Variants in DDX60 observed in about 807,000 individuals in gnomAD.
DDX60 encodes the protein DExD/H-box helicase 60, also known as probable ATP-dependent RNA helicase DDX60.
In DDX60, 165 loss-of-function variants were observed where a neutral mutation model predicts 212.8. The observed-to-expected ratio is 0.78, with a 90% CI of 0.68 to 0.88. The LOEUF (loss-of-function observed/expected upper bound fraction) is 0.88. Among genes scored for constraint, DDX60 ranks in the 40% least tolerant of loss-of-function variants. DDX60 has a pLI of 0.00. For synonymous variants in DDX60, 703 were observed against 685.3 expected, an observed-to-expected ratio of 1.03 and a Z score of -0.40; for missense variants, 1,905 against 2,003.9, an observed-to-expected ratio of 0.95 and a Z score of 0.94.
chr4:168,272,593 A>C (rs1351067088), intron 18 of DDX60, among the ~76,000 whole-genome samples: 1 of 152,336 alleles, frequency 6.6e-6, no homozygotes, highest in East Asian at 1.9e-4. Flanking sequence ...GCAGTTCTGG[A>C]GTAAGGACTG....
In DDX60 at chr4:168,221,761, C is replaced by G; in HGVS notation, c.4945G>C (p.Gly1649Arg). Residue 1649 changes from glycine to arginine, a missense_variant, in exon 36 of 38, where the codon GGT (glycine) becomes CGT (arginine). Transcript: ENST00000393743. ...NAYALDFYKH[G>R]SLIGLVQDNR... Reference sequence around the variant, plus strand: ...TCCTGGACTAATCCTATCAAGGAACCATGTTTGTAGAAATCCAGTGCATAG... The same window carrying G: ...TCCTGGACTAATCCTATCAAGGAACGATGTTTGTAGAAATCCAGTGCATAG... 6.2e-7 allele frequency: 1 copy of G among 1,612,512 alleles called. No homozygotes were observed. Among genetic ancestry groups the G allele is most frequent in the Non-Finnish European group, 8.5e-7 (1 of 1,179,048 alleles).
chr4:168,296,841 C>T (rs1406685531), intron 6 of DDX60, among the ~76,000 whole-genome samples: 3 of 150,804 alleles, frequency 2.0e-5, no homozygotes, highest in Admixed American at 6.6e-5. Context: ...TATGGATATA[C>T]TCAAACAAGC....
At chr4:168,284,171 C>A (rs1014014122) in intron 12 of DDX60, among the ~76,000 whole-genome samples, 5 of 152,122 alleles carry the variant, frequency 3.3e-5, no homozygotes, top group Non-Finnish European at 7.3e-5. Context: ...CATATCACAC[C>A]AGACCACTCC....
At position 168,224,339 on chromosome 4, in the gene DDX60, C is replaced by T. The variant is rs1488836291; in HGVS notation, c.4728G>A (p.Leu1576=). ...CTACTCTTCCTTCCTTGCAGCTCAT[C>T]AAATGAGATACGAGTTGAGAGTCTT... is the stretch of plus-strand genomic sequence containing the variant. ...ECEDSQLVSH[L]MSCKEGRVAI... The change falls in exon 35 of 38, where the codon TTG becomes TTA. Residue 1576 remains leucine (L), a synonymous_variant. Transcript: ENST00000393743. 3.7e-6 allele frequency: 6 copies of T among 1,611,868 alleles called. No homozygotes were observed. In the South Asian group the frequency reaches 5.5e-5, roughly 15 times the overall value.
At chr4:168,260,331 T>C (rs1003997266) in intron 25 of DDX60, among the ~76,000 whole-genome samples, 1 of 152,312 alleles carries the variant, frequency 6.6e-6, no homozygotes, top group South Asian at 2.1e-4. Context: ...GTTCTCATTG[T>C]TCAATTCCCA....
In DDX60 at chr4:168,252,603, T is replaced by G; in HGVS notation, c.3611A>C (p.Glu1204Ala). The G allele has an allele frequency of 6.2e-7, 1 of 1,613,754 alleles. No homozygotes were observed. The highest frequency in any genetic ancestry group is 2.2e-5 in the East Asian group (1 of 44,846). ...CTTCACTAGATTATCATGTTCAGCT[T>G]CATGTATTAGGCTTTGATCCACATT... is the stretch of plus-strand genomic sequence containing the variant. ...TRNVDQSLIHEAEHDNLVKCL... is the reference protein window; with the variant it reads ...TRNVDQSLIHAAEHDNLVKCL... Residue 1204 changes from glutamate (E) to alanine (A), a missense_variant, in exon 27 of 38, where the codon GAA (glutamate) becomes GCA (alanine). Glu to Ala is a moderately radical substitution (Grantham distance 107). Coordinates refer to ENST00000393743, the MANE Select transcript of DDX60 (RefSeq NM_017631.6).
At chr4:168,250,338 T>C (rs2149504440) in intron 28 of DDX60, among the ~76,000 whole-genome samples, 1 of 151,996 alleles carries the variant, frequency 6.6e-6, no homozygotes, top group East Asian at 2.0e-4. Context: ...GGTCAGGAGT[T>C]CGAGACCAGC....
intron 33 of DDX60, among the ~76,000 whole-genome samples, chr4:168,231,591 T>C (rs932623907): frequency 6.6e-6 from 1 of 151,982 alleles, no homozygotes; most frequent in African/African-American, 2.4e-5. Context: ...ATATACTACA[T>C]AAACAGATTT....
At chr4:168,324,741 C>T in the DDX60 span, among the ~76,000 whole-genome samples, 1 of 152,184 alleles carries the variant, frequency 6.6e-6, no homozygotes, top group African/African-American at 2.4e-5. Flanking sequence ...AACCAATGGT[C>T]CATCGCCTTT....
chr4:168,268,677 T>C (rs1381763356), intron 20 of DDX60, among the ~76,000 whole-genome samples, 177 bp downstream of exon 20: 1 of 152,118 alleles, frequency 6.6e-6, no homozygotes, highest in Non-Finnish European at 1.5e-5. Context: ...TTATACAGGG[T>C]GGCTTTCCTC....
intron 10 of DDX60, 43 bp from the exon 11 acceptor site, chr4:168,285,541 A>T (rs745641956): frequency 8.2e-7 from 1 of 1,221,712 alleles, no homozygotes; most frequent in Middle Eastern, 1.9e-4. Context: ...TCAAATGTAA[A>T]GCTTTCAGAC....
intron 29 of DDX60, among the ~76,000 whole-genome samples, chr4:168,247,732 G>A (rs3805399): frequency 0.058 from 8,860 of 152,252 alleles, 445 homozygotes; most frequent in East Asian, 0.15. Flanking sequence ...ATACCTCTAT[G>A]GGACAGTAAT....
chr4:168,289,713 A>T (rs908577204), intron 8 of DDX60, among the ~76,000 whole-genome samples: 1 of 152,182 alleles, frequency 6.6e-6, no homozygotes, highest in African/African-American at 2.4e-5. Flanking sequence ...CCCTTCATAC[A>T]ATGACGGCAT....
intron 33 of DDX60, among the ~76,000 whole-genome samples, chr4:168,234,394 AT>A (rs1369385571): frequency 6.6e-6 from 1 of 151,184 alleles, no homozygotes; most frequent in Non-Finnish European, 1.5e-5. Flanking sequence ...TGATTTTTTA[AT>A]TTTTTTTAAT....
intron 33 of DDX60, 145 bp downstream of exon 33, chr4:168,236,107 C>T (rs930785836): frequency 7.0e-6 from 5 of 716,566 alleles, no homozygotes; most frequent in Non-Finnish European, 8.5e-6. Flanking sequence ...GATTAAATAT[C>T]ACACTGATTA....
chr4:168,258,901 GA>G (rs1734518327), intron 25 of DDX60, among the ~76,000 whole-genome samples: 1 of 152,214 alleles, frequency 6.6e-6, no homozygotes, highest in South Asian at 2.1e-4. Context: ...TCAAAGATGG[GA>G]ACTTGAAGAC....
At chr4:168,257,175 GGTGGCACATGCCT>G (rs1260392406) in intron 25 of DDX60, among the ~76,000 whole-genome samples, 1 of 152,160 alleles carries the variant, frequency 6.6e-6, no homozygotes, top group Non-Finnish European at 1.5e-5. Flanking sequence ...AGCTGGGCGT[GGTGGCACATGCCT>G]GTAATCCCAG....
intron 4 of DDX60, among the ~76,000 whole-genome samples, chr4:168,307,135 C>G (rs1736918616): frequency 6.6e-6 from 1 of 152,156 alleles, no homozygotes; most frequent in African/African-American, 2.4e-5. Flanking sequence ...CTGAGATTGT[C>G]TCGGCATAAC....
At chr4:168,257,702 T>A (rs554337207) in intron 25 of DDX60, among the ~76,000 whole-genome samples, 11 of 152,304 alleles carry the variant, frequency 7.2e-5, no homozygotes, top group African/African-American at 2.6e-4. Context: ...ATAACCTACA[T>A]TTTATGTCAA....
Sources: gnomAD v4.1 joint callset for allele counts (sites outside exome capture counted in the v4.1 genomes callset) on GRCh38, gnomAD v4.1.1 for gene constraint, MANE v1.5 for transcripts, NCBI Gene and HGNC (gene_info 2026-07-23, HGNC 2026-07-21) for gene names.